Variants in KDM4C observed in about 807,000 individuals in gnomAD.
KDM4C encodes the protein lysine demethylase 4C.
A neutral mutation model predicts 129.3 loss-of-function variants in KDM4C; 81 were observed. The ratio of observed to expected loss-of-function variants is 0.63; its 90% CI spans 0.52 to 0.75. KDM4C has a LOEUF of 0.75. KDM4C is among the 30% of genes least tolerant of loss of function. The pLI is 0.00. For missense variants in KDM4C, 1,457 were observed against 1,304.0 expected (o/e 1.12, Z -1.81); for synonymous variants, 573 against 456.1 (o/e 1.26, Z -3.26).
At chr9:7,091,431 A>G (rs1835788698) in intron 17 of KDM4C, among the ~76,000 whole-genome samples, 1 of 152,228 alleles carries the variant, frequency 6.6e-6, no homozygotes, top group Non-Finnish European at 1.5e-5. Flanking sequence ...TTATACTTAA[A>G]ATCATTTAAA....
intron 17 of KDM4C, among the ~76,000 whole-genome samples, chr9:7,069,201 A>G (rs1243180455): frequency 6.6e-6 from 1 of 152,198 alleles, no homozygotes; most frequent in Admixed American, 6.5e-5. Flanking sequence ...GTATTACACT[A>G]CTAATACCAT....
chr9:6,807,986 A>T (rs1160435279), intron 3 of KDM4C, among the ~76,000 whole-genome samples: 1 of 81,912 alleles, frequency 1.2e-5, no homozygotes, highest in East Asian at 4.0e-4. Flanking sequence ...TCCGGGAGGG[A>T]GGTGGGGGGG....
At chr9:7,156,837 T>C (rs368319271) in intron 19 of KDM4C, among the ~76,000 whole-genome samples, 2 of 152,188 alleles carry the variant, frequency 1.3e-5, no homozygotes, top group African/African-American at 4.8e-5. Flanking sequence ...GCAATGTGGG[T>C]TCTTTTTTGG....
At chr9:6,925,455 C>T (rs1822309477) in intron 8 of KDM4C, 1 of 776,846 alleles carries the variant, frequency 1.3e-6, no homozygotes, top group Non-Finnish European at 1.5e-6. Flanking sequence ...TCCCCCTTCC[C>T]CCTCTCCTCC....
At chr9:6,804,316 G>C (rs1371469929) in intron 2 of KDM4C, among the ~76,000 whole-genome samples, 1 of 152,162 alleles carries the variant, frequency 6.6e-6, no homozygotes, top group African/African-American at 2.4e-5. Flanking sequence ...CACGTTGGTA[G>C]GTTCAGATTG....
intron 8 of KDM4C, among the ~76,000 whole-genome samples, chr9:6,978,410 T>C (rs1833292091): frequency 6.6e-6 from 1 of 152,234 alleles, no homozygotes; most frequent in Non-Finnish European, 1.5e-5. Context: ...GTTTAGGTTA[T>C]TTAGAAAAAT....
chr9:6,855,139 C>A (rs929467422), intron 5 of KDM4C, among the ~76,000 whole-genome samples: 15 of 152,158 alleles, frequency 9.9e-5, no homozygotes, highest in African/African-American at 3.6e-4. Context: ...ACATGAACTT[C>A]ATAAATTTGT....
intron 1 of KDM4C, among the ~76,000 whole-genome samples, chr9:6,786,015 C>A (rs1294906987): frequency 2.6e-5 from 4 of 152,210 alleles, no homozygotes; most frequent in Non-Finnish European, 5.9e-5. Context: ...AAAGTAGATA[C>A]TGAACTGTTC....
chr9:6,742,042 G>A (rs1051244224), intron 1 of KDM4C, among the ~76,000 whole-genome samples: 1 of 151,192 alleles, frequency 6.6e-6, no homozygotes, highest in Non-Finnish European at 1.5e-5. Flanking sequence ...GAGTGATCTC[G>A]GCTCACTGCA....
intron 8 of KDM4C, among the ~76,000 whole-genome samples, chr9:6,961,309 C>G (rs1830009899): frequency 6.6e-6 from 1 of 152,016 alleles, no homozygotes; most frequent in Non-Finnish European, 1.5e-5. Flanking sequence ...TAGATGTGTG[C>G]AGCACTAAAC....
chr9:6,785,944 T>C (rs541259119), intron 1 of KDM4C, among the ~76,000 whole-genome samples: 2 of 152,330 alleles, frequency 1.3e-5, no homozygotes, highest in East Asian at 3.9e-4. Flanking sequence ...ATCCTTCTTT[T>C]TCTAGCCAGA....
intron 15 of KDM4C, among the ~76,000 whole-genome samples, chr9:7,023,765 T>TA (rs1257561723): frequency 6.6e-6 from 1 of 152,182 alleles, no homozygotes; most frequent in African/African-American, 2.4e-5. Flanking sequence ...TATAAGCACT[T>TA]ACAGCTGTAA....
intron 18 of KDM4C, among the ~76,000 whole-genome samples, chr9:7,122,123 G>C (rs1283176897): frequency 6.6e-6 from 1 of 152,016 alleles, no homozygotes; most frequent in African/African-American, 2.4e-5. Flanking sequence ...TCTGCAGGCT[G>C]TATAGGAAGC....
chr9:7,067,818 T>A (rs901852837), intron 17 of KDM4C, among the ~76,000 whole-genome samples: 3 of 152,084 alleles, frequency 2.0e-5, no homozygotes, highest in African/African-American at 7.2e-5. Context: ...TTTTTTGAGA[T>A]GAAGTCTTGC....
At chr9:6,928,692 C>T (rs368106288) in intron 8 of KDM4C, among the ~76,000 whole-genome samples, 5 of 151,592 alleles carry the variant, frequency 3.3e-5, no homozygotes, top group Admixed American at 1.3e-4. Flanking sequence ...TATTTTTTAT[C>T]GCCTATGATT....
chr9:7,077,972 G>A (rs1303906120), intron 17 of KDM4C, among the ~76,000 whole-genome samples: 1 of 152,090 alleles, frequency 6.6e-6, no homozygotes, highest in East Asian at 1.9e-4. Flanking sequence ...AGGATCTCCA[G>A]CACAATTAAA....
intron 8 of KDM4C, among the ~76,000 whole-genome samples, chr9:6,951,406 T>C (rs1828117425): frequency 6.6e-6 from 1 of 152,222 alleles, no homozygotes; most frequent in Admixed American, 6.5e-5. Flanking sequence ...CTTCTAGTCA[T>C]GATCTGATTA....
At chr9:7,091,812 A>G (rs1159750722) in intron 17 of KDM4C, among the ~76,000 whole-genome samples, 2 of 152,228 alleles carry the variant, frequency 1.3e-5, no homozygotes, top group South Asian at 2.1e-4. Context: ...GAAAAGTCAC[A>G]TGGTGCTGAG....
intron 8 of KDM4C, among the ~76,000 whole-genome samples, chr9:6,955,253 T>C (rs927220736): frequency 1.3e-5 from 2 of 152,188 alleles, no homozygotes. Context: ...TGGTCAGTGA[T>C]AGGAGAAAGA....
Sources: allele counts gnomAD v4.1 joint callset (sites outside exome capture counted in the v4.1 genomes callset), GRCh38; gene constraint gnomAD v4.1.1; transcripts MANE v1.5; gene names NCBI Gene and HGNC (gene_info 2026-07-23, HGNC 2026-07-21).